The following GRM5 variants were observed in gnomAD, a reference collection of about 807,000 sequenced individuals.
GRM5 encodes the protein glutamate metabotropic receptor 5.
GRM5 carries 19 observed loss-of-function variants against 83.1 expected under a neutral mutation model. The ratio of observed to expected loss-of-function variants is 0.23; its 90% CI spans 0.16 to 0.34. GRM5 has a LOEUF of 0.34. GRM5 is among the 10% of genes least tolerant of loss of function. The pLI is 1.00. For synonymous variants in GRM5, 675 were observed against 633.6 expected (o/e 1.07, Z -0.98); for missense variants, 1,160 against 1,588.3 (o/e 0.73, Z 4.58).
chr11:88,828,824 G>T (rs1311291312), intron 3 of GRM5, among the ~76,000 whole-genome samples: 1 of 151,896 alleles, frequency 6.6e-6, no homozygotes, highest in African/African-American at 2.4e-5. Flanking sequence ...CTCATTATTA[G>T]CAACAATTAG....
chr11:88,929,983 A>G lies in GRM5; in HGVS notation c.662-79828T>C, dbSNP rs561612711. On this transcript the variant is annotated intron_variant, in intron 2 of 9. Coordinates refer to ENST00000305447, the MANE Select transcript of GRM5 (RefSeq NM_001143831.3). ...GTTTCAAAGAAATAAATCAAAATGT[A>G]CACAGTCAAATTTGTTAGGCAGAAA... is the stretch of plus-strand genomic sequence containing the variant. Among the ~76,000 whole-genome samples, 33 of 152,296 alleles carry G rather than the reference A, an allele frequency of 2.2e-4. No homozygotes were observed. The South Asian group carries it at 6.0e-3, about 28-fold the overall frequency.
intron 4 of GRM5, among the ~76,000 whole-genome samples, chr11:88,642,347 C>A (rs540071072): frequency 6.6e-6 from 1 of 152,108 alleles, no homozygotes; most frequent in African/African-American, 2.4e-5. Context: ...GACCTCTGGA[C>A]CTGTGATGGA....
intron 2 of GRM5, among the ~76,000 whole-genome samples, chr11:88,983,229 C>G (rs1039683248): frequency 6.6e-6 from 1 of 152,144 alleles, no homozygotes; most frequent in Non-Finnish European, 1.5e-5. Context: ...TATATCATTA[C>G]AATTTTTTCT....
chr11:88,991,081 T>C (rs1939949197), intron 2 of GRM5, among the ~76,000 whole-genome samples: 1 of 152,184 alleles, frequency 6.6e-6, no homozygotes, highest in Admixed American at 6.5e-5. Context: ...TTGTCCCTCT[T>C]TGCAGACGAC....
chr11:89,065,399 GTT>G (rs113626208), intron 1 of GRM5, among the ~76,000 whole-genome samples: 18 of 142,586 alleles, frequency 1.3e-4, no homozygotes, highest in African/African-American at 3.0e-4. Context: ...TTCCTCCTCT[GTT>G]TTTTTTTTTT....
In GRM5 at chr11:88,961,689, TC is replaced by T. The variant is rs1370970600; in HGVS notation, c.661+85522del. Among the ~76,000 whole-genome samples the T allele has an allele frequency of 5.9e-5, 9 of 152,344 alleles. No homozygotes were observed. In the East Asian group the frequency reaches 1.4e-3, roughly 23 times the overall value. ...AACATTCCAAGACTTACTTGACTATTCATGATCCTCTTCTTTTTCAATTTTA... is the reference window on the plus strand; with the variant it reads ...AACATTCCAAGACTTACTTGACTATTATGATCCTCTTCTTTTTCAATTTTA... On this transcript the variant is annotated intron_variant, in intron 2 of 9. Transcript: ENST00000305447.
chr11:88,705,343 A>T (rs1222782631), intron 3 of GRM5, among the ~76,000 whole-genome samples: 1 of 152,098 alleles, frequency 6.6e-6, no homozygotes, highest in Non-Finnish European at 1.5e-5. Context: ...AGAGATTTTA[A>T]TGGCAGCCAG....
intron 2 of GRM5, among the ~76,000 whole-genome samples, chr11:89,040,798 A>G (rs906197091): frequency 7.3e-5 from 11 of 150,954 alleles, no homozygotes; most frequent in African/African-American, 2.7e-4. Context: ...AAGGAAAGAG[A>G]AGGAGGATGG....
chr11:88,650,824 A>G (rs1565171859), intron 4 of GRM5, among the ~76,000 whole-genome samples: 1 of 152,030 alleles, frequency 6.6e-6, no homozygotes, highest in Non-Finnish European at 1.5e-5. Flanking sequence ...ATCTGAGTTC[A>G]ATTTTAAGTT....
chr11:88,833,784 G>T (rs946572177), intron 3 of GRM5, among the ~76,000 whole-genome samples: 6 of 152,066 alleles, frequency 3.9e-5, no homozygotes, highest in Admixed American at 1.3e-4. Flanking sequence ...TACTATTAGC[G>T]CATAACAAAT....
intron 2 of GRM5, among the ~76,000 whole-genome samples, chr11:88,920,048 C>G (rs972545297): frequency 2.6e-5 from 4 of 151,960 alleles, no homozygotes; most frequent in African/African-American, 9.7e-5. Flanking sequence ...AAATAATCCA[C>G]ATCAGAGCAG....
chr11:88,805,905 A>C (rs963216808), intron 3 of GRM5, among the ~76,000 whole-genome samples: 1 of 152,120 alleles, frequency 6.6e-6, no homozygotes, highest in African/African-American at 2.4e-5. Context: ...TGACATATTA[A>C]ATTTCTGATC....
intron 6 of GRM5, among the ~76,000 whole-genome samples, chr11:88,595,685 C>A (rs1327088921): frequency 6.6e-6 from 1 of 152,142 alleles, no homozygotes; most frequent in African/African-American, 2.4e-5. Context: ...TTCAATCTGG[C>A]AGGCCCAGAT....
chr11:88,869,138 T>C (rs1204375111), intron 2 of GRM5, among the ~76,000 whole-genome samples: 2 of 151,664 alleles, frequency 1.3e-5, no homozygotes, highest in Admixed American at 6.6e-5. Context: ...GGCTCCTTTT[T>C]TTCCTTTAAT....
rs151251680 is a variant in GRM5 at position 88,689,202 on chromosome 11, C to T, written c.912-35799G>A. Among the ~76,000 whole-genome samples, 17 of 152,236 alleles carry T rather than the reference C, an allele frequency of 1.1e-4. No individual in the cohort carries two copies. The East Asian group carries it at 3.3e-3, about 29-fold the overall frequency. The stretch of plus-strand genomic sequence containing the variant: ...CCTTATTTCATTCAACAAATATTTA[C>T]CAAATGCCTGCTCTGTATTAGGCAC... On this transcript the variant is annotated intron_variant, in intron 3 of 9. Transcript: ENST00000305447.
chr11:88,599,672 A>G (rs1937920619), intron 5 of GRM5, among the ~76,000 whole-genome samples: 1 of 152,192 alleles, frequency 6.6e-6, no homozygotes. Flanking sequence ...GGCTTCTTGC[A>G]ATCTTTAGCC....
intron 2 of GRM5, among the ~76,000 whole-genome samples, chr11:88,987,317 C>G (rs56018501): frequency 0.038 from 5,730 of 152,272 alleles, 329 homozygotes; most frequent in African/African-American, 0.13. Context: ...TAAAAAACGG[C>G]ACACCACGAG....
chr11:88,986,186 A>G (rs1939704300), intron 2 of GRM5, among the ~76,000 whole-genome samples: 1 of 152,186 alleles, frequency 6.6e-6, no homozygotes, highest in South Asian at 2.1e-4. Flanking sequence ...ACCTATTGAT[A>G]CTAATATATA....
intron 2 of GRM5, among the ~76,000 whole-genome samples, chr11:88,978,123 A>G (rs1939399343): frequency 6.6e-6 from 1 of 152,184 alleles, no homozygotes; most frequent in African/African-American, 2.4e-5. Flanking sequence ...AATACAAGAT[A>G]AATAAGTCCT....
Sources: allele counts gnomAD v4.1 joint callset (sites outside exome capture counted in the v4.1 genomes callset), GRCh38; gene constraint gnomAD v4.1.1; transcripts MANE v1.5; gene names NCBI Gene and HGNC (gene_info 2026-07-23, HGNC 2026-07-21).